Variants in LIG4 observed in about 807,000 individuals in gnomAD.
LIG4 encodes the protein DNA joinase.
LIG4 carries 13 observed loss-of-function variants against 19.0 expected under a neutral mutation model. The observed-to-expected ratio is 0.68, with a 90% CI of 0.44 to 1.09. The LOEUF (loss-of-function observed/expected upper bound fraction) is 1.09. Ranked by LOEUF, LIG4 falls within the 50% of genes least tolerant of loss-of-function variation. The probability of loss-of-function intolerance (pLI) is 0.00; values close to 1 mark genes in which losing one functional copy is unlikely to be tolerated. For missense variants in LIG4, 1,026 were observed against 1,089.7 expected (o/e 0.94, Z 0.82); for synonymous variants, 361 against 358.2 (o/e 1.01, Z -0.09).
rs1384580670 is a variant in LIG4 at position 108,209,098 on chromosome 13, G to T, written c.2171C>A (p.Ala724Glu). The T allele has an allele frequency of 1.9e-6, 3 of 1,614,160 alleles. No homozygotes were observed. Among genetic ancestry groups the T allele is most frequent in the Non-Finnish European group, 2.5e-6 (3 of 1,180,018 alleles). Residue 724 changes from alanine to glutamate, a missense_variant, in exon 3 of 3, where the codon GCA becomes GAA. Coordinates refer to ENST00000442234, the MANE Select transcript of LIG4 (RefSeq NM_206937.2). ...GGTCTTAAAACATTCTAAAAGCCATGCAGGCTTGACAACATCATGTTTATT... is the reference window on the plus strand; with the variant it reads ...GGTCTTAAAACATTCTAAAAGCCATTCAGGCTTGACAACATCATGTTTATT... ...LSNKHDVVKPAWLLECFKTKS... is the reference protein window; with the variant it reads ...LSNKHDVVKPEWLLECFKTKS...
chr13:108,210,698 T>A lies in LIG4; in HGVS notation c.571A>T (p.Ile191Leu), dbSNP rs1352408667. Residue 191 changes from isoleucine (I) to leucine (L), a missense_variant, in exon 3 of 3, where the codon ATA (isoleucine) becomes TTA (leucine). Ile to Leu is a conservative substitution (Grantham distance 5, BLOSUM62 2). This residue lies in a region of LIG4 where 493 missense variants were observed against 544.5 expected (regional missense o/e 0.91). Transcript: ENST00000442234. ...CTAACACCAAGCTTTAAATCCTTTA[T>A]GATCATCCGTATAAGCCACTTTTGC... ...LEQKWLIRMI[I>L]KDLKLGVSQQ... The A allele has an allele frequency of 1.2e-5, 20 of 1,613,838 alleles. No individual in the cohort carries two copies. Among genetic ancestry groups the A allele is most frequent in the Non-Finnish European group, 1.6e-5 (19 of 1,179,970 alleles).
In LIG4 at chr13:108,209,843, G is replaced by A. The variant is rs747450004; in HGVS notation, c.1426C>T (p.Arg476Trp). 12 of 1,614,036 alleles carry A rather than the reference G, an allele frequency of 7.4e-6. No homozygotes were observed. The highest frequency in any genetic ancestry group is 2.2e-5 in the East Asian group (1 of 44,880). The change falls in exon 3 of 3, where the codon CGG becomes TGG. Residue 476 changes from arginine (R) to tryptophan (W), a missense_variant. Arg to Trp is a moderately radical substitution (Grantham distance 101). Transcript: ENST00000442234. ...IVGGYWGKGSRGGMMSHFLCA... is the reference protein window; with the variant it reads ...IVGGYWGKGSWGGMMSHFLCA... The stretch of plus-strand genomic sequence containing the variant: ...AGAAAATGAGACATCATTCCACCCC[G>A]TGATCCTTTACCCCAATATCCTCCA...
rs372457480 is a variant in LIG4 at position 108,209,108 on chromosome 13, C to T, written c.2161G>A (p.Val721Ile). The T allele has an allele frequency of 6.2e-7, 1 of 1,614,068 alleles. No homozygotes were observed. The highest frequency in any genetic ancestry group is 1.3e-5 in the African/African-American group (1 of 74,924). ...NIILSNKHDV[V>I]KPAWLLECFK... Reference sequence around the variant, plus strand: ...CATTCTAAAAGCCATGCAGGCTTGACAACATCATGTTTATTTGACAAAATT... The same window carrying T: ...CATTCTAAAAGCCATGCAGGCTTGATAACATCATGTTTATTTGACAAAATT... The change falls in exon 3 of 3, where the codon GTC becomes ATC. Residue 721 changes from valine to isoleucine, a missense_variant. Around this residue, in one of 3 missense-constraint regions of LIG4, gnomAD observed 521 missense variants for 515.5 expected, o/e 1.01. Coordinates refer to ENST00000442234, the MANE Select transcript of LIG4 (RefSeq NM_206937.2).
At position 108,208,949 on chromosome 13, in the gene LIG4, G is replaced by C. The variant is rs760371875; in HGVS notation, c.2320C>G (p.Leu774Val). 1.7e-5 allele frequency: 27 copies of C among 1,614,046 alleles called. No homozygotes were observed. Among genetic ancestry groups the C allele is most frequent in the Non-Finnish European group, 2.2e-5 (26 of 1,180,030 alleles). The stretch of plus-strand genomic sequence containing the variant: ...TTAATTCCTGAGAATACTTCCTTCA[G>C]TTGGTTCAAGTCTGTATCAATGAAA... ...SYFIDTDLNQ[L>V]KEVFSGIKNS... is the part of the protein sequence containing the mutation. Residue 774 changes from leucine (L) to valine (V), a missense_variant, in exon 3 of 3, where the codon CTG (leucine) becomes GTG (valine). Transcript: ENST00000442234.
At position 108,209,140 on chromosome 13, in the gene LIG4, T is replaced by G. The variant is rs1462844810; in HGVS notation, c.2129A>C (p.Lys710Thr). Residue 710 changes from lysine (K) to threonine (T), a missense_variant, in exon 3 of 3, where the codon AAA becomes ACA. Around this residue, in one of 3 missense-constraint regions of LIG4, gnomAD observed 521 missense variants for 515.5 expected, o/e 1.01. Transcript: ENST00000442234. The stretch of plus-strand genomic sequence containing the variant: ...ATGTTTATTTGACAAAATTATGTTT[T>G]TCACTCTGATGTTCTCAGACCCTGC... ...VIAGSENIRV[K>T]NIILSNKHDV... 3.7e-6 allele frequency: 6 copies of G among 1,614,164 alleles called. No individual in the cohort carries two copies. The highest frequency in any genetic ancestry group is 2.2e-5 in the East Asian group (1 of 44,880).
chr13:108,217,170 G>A (rs932112238), upstream of LIG4, among the ~76,000 whole-genome samples: 3 of 152,162 alleles, frequency 2.0e-5, no homozygotes, highest in Non-Finnish European at 4.4e-5. Flanking sequence ...CTTGAGGTCA[G>A]GAGTTTGACA....
In LIG4 at chr13:108,209,108, C is replaced by G. The variant is rs372457480; in HGVS notation, c.2161G>C (p.Val721Leu). ...CATTCTAAAAGCCATGCAGGCTTGACAACATCATGTTTATTTGACAAAATT... is the reference window on the plus strand; with the variant it reads ...CATTCTAAAAGCCATGCAGGCTTGAGAACATCATGTTTATTTGACAAAATT... The part of the protein sequence containing the change: ...NIILSNKHDV[V>L]KPAWLLECFK... Residue 721 changes from valine (V) to leucine (L), a missense_variant, in exon 3 of 3, where the codon GTC (valine) becomes CTC (leucine). Coordinates refer to ENST00000442234, the MANE Select transcript of LIG4 (RefSeq NM_206937.2). The G allele has an allele frequency of 1.2e-6, 2 of 1,614,186 alleles. No homozygotes were observed. Among genetic ancestry groups the G allele is most frequent in the South Asian group, 1.1e-5 (1 of 91,086 alleles).
rs776290806 is a variant in LIG4, at chr13:108,210,083, T to C, written c.1186A>G (p.Ile396Val). The C allele has an allele frequency of 3.7e-6, 6 of 1,613,158 alleles. No individual in the cohort carries two copies. In the African/African-American group the frequency reaches 6.7e-5, roughly 18 times the overall value. Reference sequence around the variant, plus strand: ...TGCACTATTTCTATTCTACCTGGAATTGGTGTAAAAATACTACTAAGAATC... The same window carrying C: ...TGCACTATTTCTATTCTACCTGGAACTGGTGTAAAAATACTACTAAGAATC... ...YEILSSIFTP[I>V]PGRIEIVQKT... Residue 396 changes from isoleucine to valine, a missense_variant, in exon 3 of 3, where the codon ATT becomes GTT. Ile to Val is a conservative substitution (Grantham distance 29, BLOSUM62 3). Transcript: ENST00000442234.
rs1365438600 is a variant in LIG4, at chr13:108,209,485, G to A, written c.1784C>T (p.Thr595Ile). 2 of 1,613,988 alleles carry A rather than the reference G, an allele frequency of 1.2e-6. No homozygotes were observed. The highest frequency in any genetic ancestry group is 2.7e-5 in the African/African-American group (2 of 74,888). ...RDDKEWHECM[T>I]LDDLEQLRGK... ...CCTAAGTTGTTCTAGGTCGTCCAGG[G>A]TCATGCACTCATGCCACTCCTTGTC... Residue 595 changes from threonine to isoleucine, a missense_variant, in exon 3 of 3, where the codon ACC (threonine) becomes ATC (isoleucine). Transcript: ENST00000442234.
Position 108,210,135 on chromosome 13 carries a change from C to T in LIG4, c.1134G>A (p.Gly378=), listed in dbSNP as rs751775860. 17 of 1,613,714 alleles carry T rather than the reference C, an allele frequency of 1.1e-5. No homozygotes were observed. The South Asian group carries it at 1.9e-4, about 18-fold the overall frequency. Reference sequence around the variant, plus strand: ...CATACCTCTTTCTCAGAGTCTCATGCCCTAGCTTTTTATTATTAACCATCA... The same window carrying T: ...CATACCTCTTTCTCAGAGTCTCATGTCCTAGCTTTTTATTATTAACCATCA... ...DVLMVNNKKL[G]HETLRKRYEI... Residue 378 remains glycine (G), a synonymous_variant, in exon 3 of 3, where the codon GGG becomes GGA. Transcript: ENST00000442234.
intron 2 of LIG4, among the ~76,000 whole-genome samples, chr13:108,211,589 T>C (rs1340566165): frequency 6.6e-6 from 1 of 152,344 alleles, no homozygotes; most frequent in South Asian, 2.1e-4. Flanking sequence ...AGTTATTCTA[T>C]GTATTAATTA....
chr13:108,218,084 A>C (rs557122429), upstream of LIG4: 1 of 152,358 alleles, frequency 6.6e-6, no homozygotes, highest in African/African-American at 2.4e-5. Context: ...AAAAATAGTT[A>C]TGGAAGCGCT....
chr13:108,212,187 A>G (rs2138985200), intron 2 of LIG4, among the ~76,000 whole-genome samples: 2 of 150,550 alleles, frequency 1.3e-5, no homozygotes, highest in South Asian at 2.1e-4. Context: ...TGTAAAAAAA[A>G]AAAAAGAAAA....
Position 108,210,340 on chromosome 13 carries a change from G to C in LIG4, c.929C>G (p.Ser310Cys), listed in dbSNP as rs1249279340. ...TGCATTATGAATGAATGGGGTAAGA[G>C]AACCTTCAGTAGGAGAAGCACCAAA... ...DQFGASPTEG[S>C]LTPFIHNAFK... Residue 310 changes from serine to cysteine, a missense_variant, in exon 3 of 3, where the codon TCT (serine) becomes TGT (cysteine). Ser to Cys is a moderately radical substitution (Grantham distance 112). Transcript: ENST00000442234. The C allele has an allele frequency of 1.2e-6, 2 of 1,613,942 alleles. No individual in the cohort carries two copies. Among genetic ancestry groups the C allele is most frequent in the Non-Finnish European group, 1.7e-6 (2 of 1,179,900 alleles).
chr13:108,215,378 C>T (rs1438925777), intron 1 of LIG4, 106 bp downstream of exon 1: 1 of 112,458 alleles, frequency 8.9e-6, no homozygotes, highest in African/African-American at 3.6e-5. Flanking sequence ...ACCACACCTT[C>T]CACTTGACTC....
chr13:108,209,333 C>T lies in LIG4; in HGVS notation c.1936G>A (p.Ala646Thr), dbSNP rs1476197436. The T allele has an allele frequency of 1.2e-6, 2 of 1,613,940 alleles. No homozygotes were observed. The highest frequency in any genetic ancestry group is 1.7e-6 in the Non-Finnish European group (2 of 1,179,946). Residue 646 changes from alanine (A) to threonine (T), a missense_variant, in exon 3 of 3, where the codon GCA (alanine) becomes ACA (threonine). Coordinates refer to ENST00000442234, the MANE Select transcript of LIG4 (RefSeq NM_206937.2). ...KVIGIIEHLK[A>T]PNLTNVNKIS... ...TTGTTAACGTTAGTAAGGTTAGGTG[C>T]TTTTAAGTGCTCAATAATTCCAATA...
In LIG4 at chr13:108,208,969, A is replaced by T. The variant is rs750390328; in HGVS notation, c.2300T>A (p.Ile767Asn). 6.2e-7 allele frequency: 1 copy of T among 1,614,192 alleles called. No individual in the cohort carries two copies. The highest frequency in any genetic ancestry group is 8.5e-7 in the Non-Finnish European group (1 of 1,180,030). ...EYDCYGDSYFIDTDLNQLKEV... is the reference protein window; with the variant it reads ...EYDCYGDSYFNDTDLNQLKEV... ...CTTCAGTTGGTTCAAGTCTGTATCAATGAAATAACTATCACCATAGCAATC... is the reference window on the plus strand; with the variant it reads ...CTTCAGTTGGTTCAAGTCTGTATCATTGAAATAACTATCACCATAGCAATC... Residue 767 changes from isoleucine (I) to asparagine (N), a missense_variant, in exon 3 of 3, where the codon ATT becomes AAT. This residue lies in a region of LIG4 where 521 missense variants were observed against 515.5 expected (regional missense o/e 1.01). Coordinates refer to ENST00000442234, the MANE Select transcript of LIG4 (RefSeq NM_206937.2).
At position 108,211,039 on chromosome 13, in the gene LIG4, C is replaced by T. The variant is rs199707115; in HGVS notation, c.230G>A (p.Arg77Lys). The T allele has an allele frequency of 1.4e-5, 22 of 1,601,904 alleles. No individual in the cohort carries two copies. Among genetic ancestry groups the T allele is most frequent in the Non-Finnish European group, 6.8e-6 (8 of 1,174,980 alleles). The change falls in exon 3 of 3, where the codon AGA becomes AAA. Residue 77 changes from arginine (R) to lysine (K), a missense_variant. Around this residue, in one of 3 missense-constraint regions of LIG4, gnomAD observed 493 missense variants for 544.5 expected, o/e 0.91. Coordinates refer to ENST00000442234, the MANE Select transcript of LIG4 (RefSeq NM_206937.2). The stretch of plus-strand genomic sequence containing the variant: ...TTTAATTCCATAGGCCATTCTCTCT[C>T]TTTCTAGCTGAGGAAGAATTAGTCT... ...AMRLILPQLE[R>K]ERMAYGIKET...
chr13:108,209,341 T>C lies in LIG4; in HGVS notation c.1928A>G (p.His643Arg), dbSNP rs770915280. The C allele has an allele frequency of 3.1e-6, 5 of 1,614,118 alleles. No homozygotes were observed. The South Asian group carries it at 5.5e-5, about 18-fold the overall frequency. The stretch of plus-strand genomic sequence containing the variant: ...GTTAGTAAGGTTAGGTGCTTTTAAG[T>C]GCTCAATAATTCCAATAACTTTCTT... ...KMKKVIGIIEHLKAPNLTNVN... is the reference protein window; with the variant it reads ...KMKKVIGIIERLKAPNLTNVN... The change falls in exon 3 of 3, where the codon CAC becomes CGC. Residue 643 changes from histidine (H) to arginine (R), a missense_variant. His to Arg is a conservative substitution (Grantham distance 29). This residue lies in a region of LIG4 where 521 missense variants were observed against 515.5 expected (regional missense o/e 1.01). Coordinates refer to ENST00000442234, the MANE Select transcript of LIG4 (RefSeq NM_206937.2).
Sources: allele counts gnomAD v4.1 joint callset (sites outside exome capture counted in the v4.1 genomes callset), GRCh38; gene constraint gnomAD v4.1.1; regional missense constraint gnomAD v4.1.1; transcripts MANE v1.5; gene names NCBI Gene and HGNC (gene_info 2026-07-23, HGNC 2026-07-21).